ACP3: variants seen among roughly 807,000 people sequenced by gnomAD.
ACP3 encodes acid phosphatase 3, also known as prostatic acid phosphatase.
ACP3 carries 38 observed loss-of-function variants against 45.6 expected under a neutral mutation model. The observed-to-expected ratio is 0.83, with a 90% CI of 0.64 to 1.09. The LOEUF is 1.09. Among genes scored for constraint, ACP3 ranks in the 50% least tolerant of loss-of-function variants. The probability of loss-of-function intolerance (pLI) is 0.00; values close to 1 mark genes in which losing one functional copy is unlikely to be tolerated. For synonymous variants in ACP3, 162 were observed against 164.7 expected (o/e 0.98, Z 0.13); for missense variants, 466 against 463.2 (o/e 1.01, Z -0.05).
chr3:132,340,822 C>G lies in ACP3; in HGVS notation c.556-1730C>G, dbSNP rs1937545788. 2.0e-5 allele frequency among the ~76,000 whole-genome samples: 3 copies of G among 152,048 alleles called. No homozygotes were observed. In the South Asian group the frequency reaches 6.2e-4, roughly 32 times the overall value. ...TTAATATCTAAAGGGCTAGTCATCCCTCATTGCTTTTTCTGAGTTTCCATG... is the reference window on the plus strand; with the variant it reads ...TTAATATCTAAAGGGCTAGTCATCCGTCATTGCTTTTTCTGAGTTTCCATG... On this transcript the variant is annotated intron_variant, in intron 5 of 9. Transcript: ENST00000336375.
At chr3:132,317,659 A>G in intron 1 of ACP3, 83 bp downstream of exon 1, 1 of 1,440,436 alleles carries the variant, frequency 6.9e-7, no homozygotes, top group Non-Finnish European at 9.2e-7. Flanking sequence ...GTTTCATCTT[A>G]TCCTTGGATT....
chr3:132,347,942 C>T (rs1937634647), intron 7 of ACP3, among the ~76,000 whole-genome samples: 1 of 151,976 alleles, frequency 6.6e-6, no homozygotes, highest in South Asian at 2.1e-4. Context: ...GCTCTTCTTG[C>T]TCTAGGCCAG....
At chr3:132,364,684 T>C (rs1244465919) in intron 10 of ACP3, among the ~76,000 whole-genome samples, 1 of 152,210 alleles carries the variant, frequency 6.6e-6, no homozygotes, top group Non-Finnish European at 1.5e-5. Context: ...ATTGAGCTCC[T>C]CGAGGGCAGA....
Position 132,356,705 on chromosome 3 carries a change from T to C in ACP3, c.988T>C (p.Tyr330His), listed in dbSNP as rs17851392. 2 of 1,614,076 alleles carry C rather than the reference T, an allele frequency of 1.2e-6. No individual in the cohort carries two copies. The highest frequency in any genetic ancestry group is 1.7e-6 in the Non-Finnish European group (2 of 1,180,030). The change falls in exon 10 of 10, where the codon TAC becomes CAC. Residue 330 changes from tyrosine (Y) to histidine (H), a missense_variant. Physicochemically the swap from Tyr to His is moderately conservative, Grantham distance 83. Coordinates refer to ENST00000336375, the MANE Select transcript of ACP3 (RefSeq NM_001099.5). ...FEKGEYFVEM[Y>H]YRNETQHEPY... ...TGCCAGGGAGTACTTTGTGGAGATG[T>C]ACTATCGGAATGAGACGCAGCACGA...
At chr3:132,330,353 G>A (rs1358070561) in intron 2 of ACP3, among the ~76,000 whole-genome samples, 2 of 152,148 alleles carry the variant, frequency 1.3e-5, no homozygotes, top group African/African-American at 2.4e-5. Flanking sequence ...TAGATCAGTG[G>A]TTTTTAAAGT....
chr3:132,356,741 C>T lies in ACP3; in HGVS notation c.1024C>T (p.Leu342Phe). The part of the protein sequence containing the change: ...RNETQHEPYP[L>F]MLPGCSPSCP... ...TGAGACGCAGCACGAGCCGTATCCC[C>T]TCATGCTACCTGGCTGCAGCCCCAG... The change falls in exon 10 of 10, where the codon CTC (leucine) becomes TTC (phenylalanine). Residue 342 changes from leucine to phenylalanine, a missense_variant. Leu to Phe is a conservative substitution (Grantham distance 22). Coordinates refer to ENST00000336375, the MANE Select transcript of ACP3 (RefSeq NM_001099.5). 1.2e-6 allele frequency: 2 copies of T among 1,614,172 alleles called. No homozygotes were observed. Among genetic ancestry groups the T allele is most frequent in the South Asian group, 1.1e-5 (1 of 91,086 alleles).
chr3:132,355,491 T>G (rs1478986685), intron 9 of ACP3, among the ~76,000 whole-genome samples: 1 of 150,038 alleles, frequency 6.7e-6, no homozygotes, highest in African/African-American at 2.4e-5. Context: ...TTTATCTTAT[T>G]TTATTTTATT....
chr3:132,338,183 A>G (rs1279226225), intron 5 of ACP3, among the ~76,000 whole-genome samples: 1 of 151,640 alleles, frequency 6.6e-6, no homozygotes, highest in African/African-American at 2.4e-5. Context: ...CAATTTCCTT[A>G]TGCATATACA....
chr3:132,330,484 G>A (rs141919712), intron 2 of ACP3, among the ~76,000 whole-genome samples: 244 of 152,226 alleles, frequency 1.6e-3, no homozygotes, highest in African/African-American at 5.7e-3. Context: ...GTGTTTTATT[G>A]AGTCCTCCAG....
Position 132,357,390 on chromosome 3 carries a change from G to A in ACP3, c.*512G>A, listed in dbSNP as rs555974908. On this transcript the variant is annotated 3_prime_UTR_variant, in exon 10 of 10. Transcript: ENST00000336375. ...CAGTTCCAGCCTTCTCTCAAGGAGA[G>A]GCAAAGAAAGGAGATACAGTGGAGA... The A allele has an allele frequency of 5.1e-6, 5 of 985,372 alleles. No individual in the cohort carries two copies. In the South Asian group the frequency reaches 1.4e-4, roughly 28 times the overall value. 61.0% of individuals were successfully genotyped at this position (985,372 alleles called of 1,614,324 possible).
chr3:132,344,214 G>A lies in ACP3; in HGVS notation c.649-713G>A, dbSNP rs190740665. 2.1e-3 allele frequency among the ~76,000 whole-genome samples: 318 copies of A among 150,838 alleles called. 3 individuals are homozygous for A. The highest frequency in any genetic ancestry group is 7.6e-3 in the African/African-American group (311 of 41,144). Reference sequence around the variant, plus strand: ...AATCGCTTGAACCCAGGAAGTGGAGGTTGCAGTGAGCTGAAATCGTGCCAC... The same window carrying A: ...AATCGCTTGAACCCAGGAAGTGGAGATTGCAGTGAGCTGAAATCGTGCCAC... On this transcript the variant is annotated intron_variant, in intron 6 of 9. Coordinates refer to ENST00000336375, the MANE Select transcript of ACP3 (RefSeq NM_001099.5).
intron 4 of ACP3, chr3:132,332,561 T>A (rs1050345310): frequency 1.9e-6 from 1 of 538,186 alleles, no homozygotes; most frequent in Non-Finnish European, 3.2e-6. Flanking sequence ...TGATCCACTT[T>A]GTTTTGCCAC....
rs778204948 is a variant in ACP3 at position 132,332,517 on chromosome 3, G to A, written c.456+173G>A. The A allele has an allele frequency of 8.7e-6, 7 of 800,372 alleles. No homozygotes were observed. The South Asian group carries it at 1.2e-4, about 13-fold the overall frequency. The allele number at this position is 800,372 out of a possible 1,614,324, so 49.6% of individuals were successfully genotyped here. On this transcript the variant is annotated intron_variant, in intron 4 of 9. Coordinates refer to ENST00000336375, the MANE Select transcript of ACP3 (RefSeq NM_001099.5). ...AGGACATGGAAAACCCTAGCTAAGAGAGAGTAGGAACCAAATTTCTCTTTG... is the reference window on the plus strand; with the variant it reads ...AGGACATGGAAAACCCTAGCTAAGAAAGAGTAGGAACCAAATTTCTCTTTG...
chr3:132,321,322 GAA>G (rs34303775), intron 1 of ACP3, among the ~76,000 whole-genome samples: 1 of 137,076 alleles, frequency 7.3e-6, no homozygotes, highest in Non-Finnish European at 1.6e-5. Context: ...CTGCAAAAAA[GAA>G]AAAAAAAAAA....
At position 132,357,012 on chromosome 3, in the gene ACP3, C is replaced by T; in HGVS notation, c.*134C>T. Reference sequence around the variant, plus strand: ...GATGATTATTTTATGTTTTAGGGACCCCCAACCTCAGGCAATTCCTACCTC... The same window carrying T: ...GATGATTATTTTATGTTTTAGGGACTCCCAACCTCAGGCAATTCCTACCTC... On this transcript the variant is annotated 3_prime_UTR_variant, in exon 10 of 10. Transcript: ENST00000336375. 2 of 1,396,570 alleles carry T rather than the reference C, an allele frequency of 1.4e-6. No individual in the cohort carries two copies. Among genetic ancestry groups the T allele is most frequent in the Non-Finnish European group, 1.9e-6 (2 of 1,077,906 alleles). The allele number at this position is 1,396,570 out of a possible 1,614,324, so 86.5% of individuals were successfully genotyped here.
At position 132,339,251 on chromosome 3, in the gene ACP3, T is replaced by C. The variant is rs537812314; in HGVS notation, c.555+1697T>C. Reference sequence around the variant, plus strand: ...ATTTTGTGTGTGAAAAAAAACACACTCAATGTGTTTTTTCCTATTTTTCTC... The same window carrying C: ...ATTTTGTGTGTGAAAAAAAACACACCCAATGTGTTTTTTCCTATTTTTCTC... On this transcript the variant is annotated intron_variant, in intron 5 of 9. Transcript: ENST00000336375. 2.6e-5 allele frequency among the ~76,000 whole-genome samples: 4 copies of C among 151,746 alleles called. No homozygotes were observed. The East Asian group carries it at 7.7e-4, about 29-fold the overall frequency.
At chr3:132,319,794 A>G (rs1937171990) in intron 1 of ACP3, among the ~76,000 whole-genome samples, 1 of 152,142 alleles carries the variant, frequency 6.6e-6, no homozygotes, top group African/African-American at 2.4e-5. Flanking sequence ...TGCTGTGTGT[A>G]TATAACCCAG....
chr3:132,365,746 G>A (rs1445735928), intron 10 of ACP3, among the ~76,000 whole-genome samples: 1 of 148,606 alleles, frequency 6.7e-6, no homozygotes, highest in African/African-American at 2.4e-5. Flanking sequence ...TTTGGGAGGT[G>A]CAGGTGGTGG....
At chr3:132,328,207 G>T in intron 1 of ACP3, 60 bp from the exon 2 acceptor site, 3 of 1,338,372 alleles carry the variant, frequency 2.2e-6, no homozygotes, top group South Asian at 2.5e-5. Context: ...CTATTATAAT[G>T]AGCAGAAGCA....
Sources: gnomAD v4.1 joint callset for allele counts (sites outside exome capture counted in the v4.1 genomes callset) on GRCh38, gnomAD v4.1.1 for gene constraint, MANE v1.5 for transcripts, NCBI Gene and HGNC (gene_info 2026-07-23, HGNC 2026-07-21) for gene names.